ARHGAP12: variants seen among roughly 807,000 people sequenced by gnomAD.
The protein encoded by ARHGAP12 is rho GTPase-activating protein 12.
In ARHGAP12, 64 loss-of-function variants were observed where a neutral mutation model predicts 108.6. That is an observed-to-expected ratio of 0.59 (90% confidence interval 0.48 to 0.73). ARHGAP12 has a LOEUF of 0.73. Among genes scored for constraint, ARHGAP12 ranks in the 30% least tolerant of loss-of-function variants. ARHGAP12 has a pLI of 0.00. For missense variants in ARHGAP12, 940 were observed against 1,005.9 expected (o/e 0.93, Z 0.89); for synonymous variants, 312 against 337.2 (o/e 0.93, Z 0.82).
chr10:31,820,051 C>T (rs973378368), intron 12 of ARHGAP12, among the ~76,000 whole-genome samples: 1 of 151,942 alleles, frequency 6.6e-6, no homozygotes, highest in Non-Finnish European at 1.5e-5. Context: ...CCTGCCCACC[C>T]CCACACACAG....
intron 3 of ARHGAP12, among the ~76,000 whole-genome samples, chr10:31,906,667 G>A (rs1403121896): frequency 1.3e-5 from 2 of 152,210 alleles, no homozygotes; most frequent in Non-Finnish European, 2.9e-5. Flanking sequence ...AGGGCTGGCT[G>A]GAGAAATCTA....
intron 3 of ARHGAP12, among the ~76,000 whole-genome samples, chr10:31,882,541 G>A (rs1298609655): frequency 6.6e-6 from 1 of 152,120 alleles, no homozygotes; most frequent in Admixed American, 6.6e-5. Flanking sequence ...TAGGCTGGGT[G>A]CAGAGGCTCA....
At chr10:31,921,585 G>A (rs750075022) in intron 1 of ARHGAP12, among the ~76,000 whole-genome samples, 6 of 151,748 alleles carry the variant, frequency 4.0e-5, no homozygotes, top group Non-Finnish European at 8.8e-5. Context: ...CCAACATGGT[G>A]AAACCCCGTC....
At chr10:31,833,334 T>TAAA in intron 9 of ARHGAP12, among the ~76,000 whole-genome samples, 1 of 137,738 alleles carries the variant, frequency 7.3e-6, no homozygotes, top group South Asian at 2.3e-4. Context: ...GAATTTGTAT[T>TAAA]AAAAAAAAAA....
intron 9 of ARHGAP12, among the ~76,000 whole-genome samples, chr10:31,835,021 A>C (rs527701025): frequency 1.1e-3 from 163 of 152,100 alleles, no homozygotes; most frequent in Non-Finnish European, 1.8e-3. Context: ...TAAGATGGTA[A>C]AACCCCATCT....
intron 3 of ARHGAP12, among the ~76,000 whole-genome samples, chr10:31,877,726 T>C (rs1046658476): frequency 6.6e-6 from 1 of 152,224 alleles, no homozygotes; most frequent in African/African-American, 2.4e-5. Context: ...AATGAGGTTT[T>C]TCAAAATAAG....
intron 3 of ARHGAP12, among the ~76,000 whole-genome samples, chr10:31,895,359 C>T (rs12263536): frequency 0.017 from 2,547 of 152,174 alleles, 79 homozygotes; most frequent in African/African-American, 0.058. Flanking sequence ...ATCTGACAAA[C>T]GGCTAATATC....
intron 3 of ARHGAP12, among the ~76,000 whole-genome samples, chr10:31,894,919 G>T (rs1222064261): frequency 6.6e-6 from 1 of 152,114 alleles, no homozygotes; most frequent in South Asian, 2.1e-4. Context: ...CAATGGAACA[G>T]AACAGAGGCC....
chr10:31,823,952 C>T lies in ARHGAP12; in HGVS notation c.1530+2352G>A, dbSNP rs116645300. 9.7e-3 allele frequency among the ~76,000 whole-genome samples: 1,474 copies of T among 152,234 alleles called. 18 individuals are homozygous for T. Among genetic ancestry groups the T allele is most frequent in the African/African-American group, 0.033 (1,388 of 41,528 alleles). The stretch of plus-strand genomic sequence containing the variant: ...AGATCTAGTTGGTGACTGAGCAGAT[C>T]AACAAAGCTAGAATTCTTTAACATT... On this transcript the variant is annotated intron_variant, in intron 11 of 19. Coordinates refer to ENST00000344936, the MANE Select transcript of ARHGAP12 (RefSeq NM_018287.7).
chr10:31,885,692 G>A (rs1838162531), intron 3 of ARHGAP12, among the ~76,000 whole-genome samples: 1 of 151,846 alleles, frequency 6.6e-6, no homozygotes, highest in Admixed American at 6.6e-5. Flanking sequence ...GGTGGTGCAT[G>A]CCTATAAGCC....
intron 3 of ARHGAP12, among the ~76,000 whole-genome samples, chr10:31,867,828 T>C (rs532044812): frequency 7.2e-5 from 11 of 152,076 alleles, no homozygotes; most frequent in Admixed American, 4.6e-4. Flanking sequence ...GAAAAATGGT[T>C]AAGCAAATCA....
intron 3 of ARHGAP12, among the ~76,000 whole-genome samples, chr10:31,900,938 G>A (rs932671244): frequency 2.0e-5 from 3 of 152,088 alleles, no homozygotes; most frequent in Non-Finnish European, 2.9e-5. Flanking sequence ...AAACTGGGCC[G>A]GTCTCAGCAG....
chr10:31,926,945 T>A (rs1840072504), intron 1 of ARHGAP12, among the ~76,000 whole-genome samples: 1 of 152,224 alleles, frequency 6.6e-6, no homozygotes. Context: ...GACGGCATTA[T>A]CTTAACAATC....
chr10:31,891,776 G>A (rs568808592), intron 3 of ARHGAP12, among the ~76,000 whole-genome samples: 9 of 152,120 alleles, frequency 5.9e-5, no homozygotes, highest in South Asian at 4.2e-4. Flanking sequence ...GGCTTTGTTC[G>A]TTTCTTTTTA....
chr10:31,903,892 C>G (rs2132441657), intron 3 of ARHGAP12, among the ~76,000 whole-genome samples: 1 of 152,220 alleles, frequency 6.6e-6, no homozygotes, highest in East Asian at 1.9e-4. Context: ...TAGAGAAATG[C>G]ACATCAAAAT....
chr10:31,848,064 G>A (rs1014139690), intron 6 of ARHGAP12, among the ~76,000 whole-genome samples: 3 of 152,010 alleles, frequency 2.0e-5, no homozygotes, highest in Admixed American at 1.3e-4. Context: ...CATTCTTCTC[G>A]TGGCAATGGC....
chr10:31,848,008 G>A (rs1180655071), intron 6 of ARHGAP12, among the ~76,000 whole-genome samples: 4 of 152,200 alleles, frequency 2.6e-5, no homozygotes, highest in Non-Finnish European at 4.4e-5. Context: ...ATCTGCACCA[G>A]TCTGTCTCTC....
At chr10:31,815,066 A>G (rs1370797431) in intron 13 of ARHGAP12, among the ~76,000 whole-genome samples, 1 of 150,738 alleles carries the variant, frequency 6.6e-6, no homozygotes, top group African/African-American at 2.4e-5. Context: ...GGTTGCAGTG[A>G]GCCAAGATCG....
intron 3 of ARHGAP12, among the ~76,000 whole-genome samples, chr10:31,904,369 C>T (rs980410136): frequency 1.3e-5 from 2 of 152,126 alleles, no homozygotes; most frequent in African/African-American, 4.8e-5. Context: ...AGGTATGATT[C>T]CATTTATATA....
Sources: allele counts gnomAD v4.1 joint callset (sites outside exome capture counted in the v4.1 genomes callset), GRCh38; gene constraint gnomAD v4.1.1; transcripts MANE v1.5; gene names NCBI Gene and HGNC (gene_info 2026-07-23, HGNC 2026-07-21).